Variants in MRPS18A observed in about 807,000 individuals in gnomAD.
MRPS18A encodes the protein large ribosomal subunit protein mL66.
A neutral mutation model predicts 22.7 loss-of-function variants in MRPS18A; 20 were observed. The ratio of observed to expected loss-of-function variants is 0.88; its 90% CI spans 0.62 to 1.28. The LOEUF (loss-of-function observed/expected upper bound fraction) is 1.28. Among genes scored for constraint, MRPS18A ranks in the 50% most tolerant of loss-of-function variants. The pLI is 0.00. For synonymous variants in MRPS18A, 106 were observed against 99.1 expected (o/e 1.07, Z -0.41); for missense variants, 294 against 262.6 (o/e 1.12, Z -0.83).
At position 43,673,588 on chromosome 6, in the gene MRPS18A, G is replaced by T. The variant is rs978046632; in HGVS notation, c.446+1614C>A. On this transcript the variant is annotated intron_variant, in intron 5 of 5. Transcript: ENST00000372133. This position sits in a 1 kb window ranked among gnomAD's most constrained non-coding sequence, Gnocchi z 4.2. ...GCGGCCAGCTGGCAGGGGGTGGGCC[G>T]GGTGGCCTCCAGCCAGCTCTTTGGG... 6.6e-6 allele frequency among the ~76,000 whole-genome samples: 1 copy of T among 152,108 alleles called. No individual in the cohort carries two copies. The highest frequency in any genetic ancestry group is 1.5e-5 in the Non-Finnish European group (1 of 67,996).
chr6:43,682,885 C>T (rs1774494098), intron 1 of MRPS18A, among the ~76,000 whole-genome samples: 3 of 152,146 alleles, frequency 2.0e-5, no homozygotes, highest in African/African-American at 7.2e-5. Flanking sequence ...TGCTAATTTG[C>T]AAAAACCAAG....
intron 5 of MRPS18A, among the ~76,000 whole-genome samples, chr6:43,674,185 G>A (rs1380099827): frequency 1.3e-5 from 2 of 152,164 alleles, no homozygotes; most frequent in Non-Finnish European, 2.9e-5. Flanking sequence ...GGACAGAGAG[G>A]CAGGGTACCA....
At chr6:43,677,700 G>A (rs1399693177) in intron 3 of MRPS18A, among the ~76,000 whole-genome samples, 2 of 152,152 alleles carry the variant, frequency 1.3e-5, no homozygotes, top group African/African-American at 4.8e-5. Flanking sequence ...TCTGAGGCAA[G>A]TTCACAAACG....
Position 43,678,634 on chromosome 6 carries a change from C to T in MRPS18A, c.145-9G>A. On this transcript the variant is annotated splice_polypyrimidine_tract_variant and intron_variant, in intron 2 of 5. Transcript: ENST00000372133. ...GTGATACGGCCTTCAATCTAGGAGA[C>T]AGAGAAAGTGAGCCAGTGTGAGAGA... 1 of 1,600,934 alleles carries T rather than the reference C, an allele frequency of 6.2e-7. No individual in the cohort carries two copies. Among genetic ancestry groups the T allele is most frequent in the South Asian group, 1.1e-5 (1 of 90,804 alleles).
chr6:43,677,093 G>A (rs1481465754), intron 3 of MRPS18A, among the ~76,000 whole-genome samples: 1 of 152,184 alleles, frequency 6.6e-6, no homozygotes, highest in African/African-American at 2.4e-5. Context: ...TATGTTTCCT[G>A]GAAAAGGCTG....
chr6:43,672,422 G>C (rs752346385), intron 5 of MRPS18A: 3 of 471,150 alleles, frequency 6.4e-6, no homozygotes, highest in South Asian at 4.6e-5. Context: ...GCCCGTGGGC[G>C]CAGCCCTAGC....
chr6:43,682,672 G>A (rs887404323), intron 1 of MRPS18A, among the ~76,000 whole-genome samples: 3 of 152,200 alleles, frequency 2.0e-5, no homozygotes, highest in Non-Finnish European at 4.4e-5. Flanking sequence ...TACTTGTACA[G>A]AACACAGACC....
At position 43,686,340 on chromosome 6, in the gene MRPS18A, T is replaced by A. The variant is rs533584459; in HGVS notation, c.112+1328A>T. ...TTGCAGCATGGGAACAAATGAAACA[T>A]CCAAGTCCTCTCTATCATCTGCATG... On this transcript the variant is annotated intron_variant, in intron 1 of 5. Coordinates refer to ENST00000372133, the MANE Select transcript of MRPS18A (RefSeq NM_018135.4). Among the ~76,000 whole-genome samples, 17 of 140,832 alleles carry A rather than the reference T, an allele frequency of 1.2e-4. No homozygotes were observed. In the South Asian group the frequency reaches 4.6e-3, roughly 38 times the overall value. The allele number at this position is 140,832 out of a possible 152,430, so 92.4% of individuals were successfully genotyped here.
intron 3 of MRPS18A, 144 bp from the exon 4 acceptor site, chr6:43,675,761 TG>T (rs1774020554): frequency 1.1e-6 from 1 of 950,838 alleles, no homozygotes; most frequent in East Asian, 2.7e-5. Context: ...GCTTTGCACA[TG>T]GGTCTGCTAC....
rs1024164494 is a variant in MRPS18A at position 43,671,391 on chromosome 6, C to T, written c.*371G>A. 5.0e-6 allele frequency: 2 copies of T among 400,078 alleles called. No individual in the cohort carries two copies. The highest frequency in any genetic ancestry group is 4.1e-5 in the African/African-American group (2 of 49,364). The allele number at this position is 400,078 out of a possible 1,614,324, so 24.8% of individuals were successfully genotyped here. On this transcript the variant is annotated 3_prime_UTR_variant, in exon 6 of 6. Transcript: ENST00000372133. The stretch of plus-strand genomic sequence containing the variant: ...GAGATCAGTGACTCAATGCTCAGCA[C>T]CCAGCTGGCAATGTGCCCAGGACCC...
At chr6:43,687,282 G>A (rs1005783892) in intron 1 of MRPS18A, among the ~76,000 whole-genome samples, 1 of 152,202 alleles carries the variant, frequency 6.6e-6, no homozygotes, top group Non-Finnish European at 1.5e-5. Context: ...GAGGCTCTGG[G>A]AGGGTACCCA....
chr6:43,681,820 T>C lies in MRPS18A; in HGVS notation c.113-700A>G, dbSNP rs528301137. 2.6e-5 allele frequency among the ~76,000 whole-genome samples: 4 copies of C among 152,370 alleles called. No homozygotes were observed. In the South Asian group the frequency reaches 8.3e-4, roughly 32 times the overall value. On this transcript the variant is annotated intron_variant, in intron 1 of 5. Transcript: ENST00000372133. ...AACAGAGAGGGACACCCTCAGTGCT[T>C]TGCCTATTTAGGTGAGGCAGTCAGA...
In MRPS18A at chr6:43,687,760, AGAGCCTT is replaced by A. The variant is rs2127957324; in HGVS notation, c.13_19del (p.Lys5TrpfsTer13). ...GAGAAGCCGCCCACAGCCGGACACCAGAGCCTTGAGGGCCGCCATCTTCAAAAACCTA... is the reference window on the plus strand; with the variant it reads ...GAGAAGCCGCCCACAGCCGGACACCAGAGGGCCGCCATCTTCAAAAACCTA... On this transcript the variant is annotated frameshift_variant, in exon 1 of 6. Coordinates refer to ENST00000372133, the MANE Select transcript of MRPS18A (RefSeq NM_018135.4). LOFTEE classifies it high-confidence loss of function. The A allele has an allele frequency of 6.3e-7, 1 of 1,580,244 alleles. No homozygotes were observed. The highest frequency in any genetic ancestry group is 1.3e-5 in the African/African-American group (1 of 74,502).
rs533499775 is a variant in MRPS18A, at chr6:43,672,886, G to C, written c.447-980C>G. ...GGAGTTGCTGGCCTGCACTCCAAGT[G>C]TGTGCTGGGCAGGGATGGGAGGGCC... On this transcript the variant is annotated intron_variant, in intron 5 of 5. Transcript: ENST00000372133. Among the ~76,000 whole-genome samples the C allele has an allele frequency of 5.9e-5, 9 of 152,190 alleles. No homozygotes were observed. The East Asian group carries it at 1.7e-3, about 29-fold the overall frequency.
intron 3 of MRPS18A, among the ~76,000 whole-genome samples, chr6:43,677,236 T>C (rs1451747788): frequency 6.6e-6 from 1 of 152,116 alleles, no homozygotes; most frequent in Non-Finnish European, 1.5e-5. Flanking sequence ...CCCTTGCCTG[T>C]GTGCTTGCTT....
chr6:43,672,467 G>A (rs940214981), intron 5 of MRPS18A: 1 of 469,512 alleles, frequency 2.1e-6, no homozygotes, highest in Non-Finnish European at 4.4e-6. Context: ...GGGGGGTGGG[G>A]AAAGATGGCT....
chr6:43,678,005 A>G (rs1171985469), intron 3 of MRPS18A, among the ~76,000 whole-genome samples: 1 of 152,140 alleles, frequency 6.6e-6, no homozygotes, highest in Non-Finnish European at 1.5e-5. Context: ...CCCTCATCAT[A>G]AAAGAGGAAA....
chr6:43,675,143 T>C (rs563108824), intron 5 of MRPS18A, 59 bp downstream of exon 5: 2 of 1,394,414 alleles, frequency 1.4e-6, no homozygotes, highest in South Asian at 1.5e-5. Flanking sequence ...ACAGCCAAGG[T>C]GCACCCTAGT....
At position 43,681,110 on chromosome 6, in the gene MRPS18A, G is replaced by A. The variant is rs1774383220; in HGVS notation, c.123C>T (p.Thr41=). The change falls in exon 2 of 6, where the codon ACC becomes ACT. Residue 41 remains threonine (T), a synonymous_variant. Coordinates refer to ENST00000372133, the MANE Select transcript of MRPS18A (RefSeq NM_018135.4). ...PARGFREVVE[T]QEGKTTIIEG... ...TTACTATAGTTGTCTTCCCTTCTTGGGTCTCCACCACTACGGAGATAAAGG... is the reference window on the plus strand; with the variant it reads ...TTACTATAGTTGTCTTCCCTTCTTGAGTCTCCACCACTACGGAGATAAAGG... 6.2e-7 allele frequency: 1 copy of A among 1,613,236 alleles called. No homozygotes were observed. The highest frequency in any genetic ancestry group is 1.3e-5 in the African/African-American group (1 of 74,870).
Sources: allele counts gnomAD v4.1 joint callset (sites outside exome capture counted in the v4.1 genomes callset), GRCh38; gene constraint gnomAD v4.1.1; non-coding constraint Gnocchi (gnomAD v3.1); transcripts MANE v1.5; gene names NCBI Gene and HGNC (gene_info 2026-07-23, HGNC 2026-07-21).